Variants in SEPTIN7 observed in about 807,000 individuals in gnomAD.
The protein encoded by SEPTIN7 is septin 7.
SEPTIN7 carries 10 observed loss-of-function variants against 63.3 expected under a neutral mutation model. That is an observed-to-expected ratio of 0.16 (90% CI 0.10 to 0.27). The LOEUF (loss-of-function observed/expected upper bound fraction) is 0.27. Ranked by LOEUF, SEPTIN7 falls within the 10% of genes least tolerant of loss-of-function variation. The probability of loss-of-function intolerance (pLI) is 1.00; values close to 1 mark genes in which losing one functional copy is unlikely to be tolerated. For synonymous variants in SEPTIN7, 131 were observed against 165.3 expected (o/e 0.79, Z 1.59); for missense variants, 310 against 521.0 (o/e 0.59, Z 3.94).
At chr7:35,908,269 TC>T (rs1372565467), downstream of SEPTIN7, among the ~76,000 whole-genome samples, 1 of 152,190 alleles carries the variant, frequency 6.6e-6, no homozygotes, top group East Asian at 1.9e-4. Flanking sequence ...AAGTTTAGTG[TC>T]AGCCATTTTC....
chr7:35,852,052 G>C (rs893491793), intron 3 of SEPTIN7, among the ~76,000 whole-genome samples: 3 of 152,022 alleles, frequency 2.0e-5, no homozygotes, highest in African/African-American at 7.2e-5. Flanking sequence ...CTTAGTAGTT[G>C]CACTAGGGTC....
At position 35,904,942 on chromosome 7, in the gene SEPTIN7, C is replaced by G. The variant is rs1788532680; in HGVS notation, c.*649C>G. 1 of 152,490 alleles carries G rather than the reference C, an allele frequency of 6.6e-6. No homozygotes were observed. The highest frequency in any genetic ancestry group is 2.4e-5 in the African/African-American group (1 of 41,418). The allele number at this position is 152,490 out of a possible 1,614,324, so 9.4% of individuals were successfully genotyped here. A position where few individuals can be genotyped will look rare whatever the true frequency, so the allele number is the denominator to read the frequency against. On this transcript the variant is annotated 3_prime_UTR_variant, in exon 14 of 14. Coordinates refer to ENST00000350320, the MANE Select transcript of SEPTIN7 (RefSeq NM_001788.6). ...CTCTTTAGCCAGAATCTCATTACTG[C>G]TTCATTTTTGTAATAACATTTAATT... is the stretch of plus-strand genomic sequence containing the variant.
chr7:35,820,505 C>T (rs1789348395), intron 1 of SEPTIN7, among the ~76,000 whole-genome samples: 1 of 152,040 alleles, frequency 6.6e-6, no homozygotes. Flanking sequence ...CTGCAAGCTG[C>T]AATCCTTCGT....
chr7:35,849,173 A>C (rs567299276), intron 3 of SEPTIN7, among the ~76,000 whole-genome samples: 1 of 152,296 alleles, frequency 6.6e-6, no homozygotes, highest in African/African-American at 2.4e-5. Context: ...TTTTGTGGAA[A>C]TGGAATTGTC....
intron 3 of SEPTIN7, among the ~76,000 whole-genome samples, chr7:35,840,621 A>T (rs1035368258): frequency 6.6e-6 from 1 of 151,982 alleles, no homozygotes; most frequent in African/African-American, 2.4e-5. Context: ...AAGATTATAT[A>T]TTAAGAAAAA....
intron 7 of SEPTIN7, among the ~76,000 whole-genome samples, chr7:35,880,154 A>G (rs1473075206): frequency 1.4e-5 from 2 of 141,374 alleles, no homozygotes; most frequent in African/African-American, 5.3e-5. Context: ...CACACAGACA[A>G]TTTCTCCCCA....
intron 1 of SEPTIN7, among the ~76,000 whole-genome samples, chr7:35,818,491 T>A (rs1460086161): frequency 6.6e-6 from 1 of 152,058 alleles, no homozygotes; most frequent in African/African-American, 2.4e-5. Flanking sequence ...GGGAAGTATT[T>A]AATCCTCTTC....
intron 1 of SEPTIN7, among the ~76,000 whole-genome samples, chr7:35,809,152 G>T (rs1788543427): frequency 6.6e-6 from 1 of 152,212 alleles, no homozygotes; most frequent in Non-Finnish European, 1.5e-5. Flanking sequence ...TGTACTTGCT[G>T]TGTGCTGGCC....
intron 10 of SEPTIN7, among the ~76,000 whole-genome samples, chr7:35,887,214 T>A (rs1242519929): frequency 2.0e-5 from 3 of 152,338 alleles, no homozygotes; most frequent in South Asian, 2.1e-4. Context: ...TTCCTCTTGT[T>A]TTTAAATCTT....
intron 3 of SEPTIN7, among the ~76,000 whole-genome samples, chr7:35,862,275 ACTC>A (rs1385026592): frequency 6.6e-6 from 1 of 151,302 alleles, no homozygotes; most frequent in Non-Finnish European, 1.5e-5. Flanking sequence ...TTGTTCCCCC[ACTC>A]CTCACCACAA....
chr7:35,898,201 A>G, intron 11 of SEPTIN7, 47 bp from the exon 12 acceptor site: 1 of 1,419,828 alleles, frequency 7.0e-7, no homozygotes, highest in Non-Finnish European at 9.3e-7. Flanking sequence ...CTGTATTATA[A>G]TTTTTATTCA....
intron 10 of SEPTIN7, among the ~76,000 whole-genome samples, chr7:35,888,149 T>C (rs1787387505): frequency 6.6e-6 from 1 of 152,170 alleles, no homozygotes; most frequent in African/African-American, 2.4e-5. Context: ...CAGAAAGAGT[T>C]ACGATATCAG....
At chr7:35,830,672 A>G (rs1196852832) in intron 1 of SEPTIN7, among the ~76,000 whole-genome samples, 5 of 152,234 alleles carry the variant, frequency 3.3e-5, no homozygotes, top group African/African-American at 4.8e-5. Context: ...ACATTTAATT[A>G]CCTTAACTAT....
At chr7:35,903,999 A>G (rs1788478014) in intron 13 of SEPTIN7, among the ~76,000 whole-genome samples, 1 of 152,186 alleles carries the variant, frequency 6.6e-6, no homozygotes, top group Admixed American at 6.5e-5. Flanking sequence ...GTTCTTGTAT[A>G]TTAAAATGGA....
rs528437175 is a variant in SEPTIN7, at chr7:35,890,609, T to A, written c.873-59T>A. 12 of 1,337,886 alleles carry A rather than the reference T, an allele frequency of 9.0e-6. No individual in the cohort carries two copies. The African/African-American group carries it at 1.5e-4, about 17-fold the overall frequency. 82.9% of individuals were successfully genotyped at this position (1,337,886 alleles called of 1,614,324 possible). ...ATTTTGAATTCATATTAAAACTTTT[T>A]AAGCTTTTTTCCCCCTAGCTATTAA... On this transcript the variant is annotated intron_variant, in intron 10 of 13. Coordinates refer to ENST00000350320, the MANE Select transcript of SEPTIN7 (RefSeq NM_001788.6).
the SEPTIN7 span, among the ~76,000 whole-genome samples, chr7:35,914,895 C>A: frequency 6.6e-6 from 1 of 151,382 alleles, no homozygotes; most frequent in Non-Finnish European, 1.5e-5. Flanking sequence ...TGTATGTGCA[C>A]GTAGATATGT....
chr7:35,908,240 T>C (rs1788670893), downstream of SEPTIN7, among the ~76,000 whole-genome samples: 2 of 152,212 alleles, frequency 1.3e-5, no homozygotes, highest in South Asian at 4.1e-4. Context: ...TAATTTGGGA[T>C]TCATCCACAG....
intron 3 of SEPTIN7, among the ~76,000 whole-genome samples, chr7:35,846,134 TTAGGCA>T (rs1183485615): frequency 1.3e-5 from 2 of 152,238 alleles, no homozygotes; most frequent in African/African-American, 2.4e-5. Flanking sequence ...TTTCTGCATC[TTAGGCA>T]TAGCTGTAAT....
chr7:35,831,115 G>A (rs1293960846), intron 1 of SEPTIN7, among the ~76,000 whole-genome samples: 1 of 151,772 alleles, frequency 6.6e-6, no homozygotes, highest in Non-Finnish European at 1.5e-5. Flanking sequence ...TTATACTTTT[G>A]TATCTTTTCT....
Sources: gnomAD v4.1 joint callset for allele counts (sites outside exome capture counted in the v4.1 genomes callset) on GRCh38, gnomAD v4.1.1 for gene constraint, MANE v1.5 for transcripts, NCBI Gene and HGNC (gene_info 2026-07-23, HGNC 2026-07-21) for gene names.